PTPRN2: variants seen among roughly 807,000 people sequenced by gnomAD.
PTPRN2 encodes the protein receptor-type tyrosine-protein phosphatase N2.
In PTPRN2, 74 loss-of-function variants were observed where a neutral mutation model predicts 118.8. That is an observed-to-expected ratio of 0.62 (90% CI 0.52 to 0.76). The LOEUF (loss-of-function observed/expected upper bound fraction) is 0.76. Among genes scored for constraint, PTPRN2 ranks in the 30% least tolerant of loss-of-function variants. The pLI is 0.00. For synonymous variants in PTPRN2, 641 were observed against 608.0 expected, an observed-to-expected ratio of 1.05 and a Z score of -0.80; for missense variants, 1,481 against 1,394.4, an observed-to-expected ratio of 1.06 and a Z score of -0.99.
chr7:158,500,142 G>T (rs550365777), intron 1 of PTPRN2, among the ~76,000 whole-genome samples: 1 of 151,516 alleles, frequency 6.6e-6, no homozygotes, highest in Non-Finnish European at 1.5e-5. Flanking sequence ...AACACCACTC[G>T]CATTGTGGGT....
At chr7:157,825,243 C>G (rs1404956253) in intron 12 of PTPRN2, among the ~76,000 whole-genome samples, 2 of 152,196 alleles carry the variant, frequency 1.3e-5, no homozygotes, top group East Asian at 3.9e-4. Context: ...GACGCGCGCC[C>G]TGCTCCTCTT....
chr7:157,783,788 T>C lies in PTPRN2; in HGVS notation c.1789-100851A>G, dbSNP rs142874247. Among the ~76,000 whole-genome samples, 1,120 of 151,486 alleles carry C rather than the reference T, an allele frequency of 7.4e-3. 14 individuals carry two copies. Among genetic ancestry groups the C allele is most frequent in the African/African-American group, 0.026 (1,064 of 40,966 alleles). ...CCATGTGGATTCGTATGACCCTACT[T>C]TTGAGTGATTTCCTCCGGAGGCTGT... On this transcript the variant is annotated intron_variant, in intron 12 of 22. Transcript: ENST00000389418.
intron 2 of PTPRN2, among the ~76,000 whole-genome samples, chr7:158,397,210 C>T (rs574668561): frequency 6.6e-6 from 1 of 152,350 alleles, no homozygotes; most frequent in African/African-American, 2.4e-5. Flanking sequence ...TTCAGAGAGG[C>T]TCACTTCCTG....
intron 12 of PTPRN2, among the ~76,000 whole-genome samples, chr7:157,879,941 C>G (rs766222811): frequency 6.7e-6 from 1 of 149,998 alleles, no homozygotes; most frequent in Non-Finnish European, 1.5e-5. Context: ...GCATATTTTT[C>G]TCTTTCCATT....
At chr7:157,875,984 G>A (rs994321147) in intron 12 of PTPRN2, among the ~76,000 whole-genome samples, 1 of 152,222 alleles carries the variant, frequency 6.6e-6, no homozygotes. Context: ...CAGGCACGGG[G>A]CTGCAGAGGG....
chr7:158,075,368 C>T lies in PTPRN2; in HGVS notation c.1723+5930G>A, dbSNP rs375022916. ...CCTCGCCATAGTCCTTACCAATGTT[C>T]CTGTCTGCTGGTCTCTCCGGCAGCC... On this transcript the variant is annotated intron_variant, in intron 11 of 22. Coordinates refer to ENST00000389418, the MANE Select transcript of PTPRN2 (RefSeq NM_002847.5). Among the ~76,000 whole-genome samples the T allele has an allele frequency of 1.6e-4, 25 of 152,310 alleles. 1 individual carries two copies. In the East Asian group the frequency reaches 4.8e-3, roughly 29 times the overall value.
chr7:158,527,201 C>T (rs897878490), intron 1 of PTPRN2, among the ~76,000 whole-genome samples: 2 of 151,514 alleles, frequency 1.3e-5, no homozygotes, highest in Non-Finnish European at 2.9e-5. Context: ...CACCGTGGGC[C>T]TGGCCCTCAC....
Position 157,974,655 on chromosome 7 carries a change from G to A in PTPRN2, c.1724-75918C>T, listed in dbSNP as rs1391569140. Among the ~76,000 whole-genome samples, 1 of 151,092 alleles carries A rather than the reference G, an allele frequency of 6.6e-6. No homozygotes were observed. Among genetic ancestry groups the A allele is most frequent in the Non-Finnish European group, 1.5e-5 (1 of 67,748 alleles). ...CCTGGGCAGGGGCGGGCAGGGCTCT[G>A]TGGTAAGACACAGAGGGCAGGGGCT... On this transcript the variant is annotated intron_variant, in intron 11 of 22. Coordinates refer to ENST00000389418, the MANE Select transcript of PTPRN2 (RefSeq NM_002847.5). This position sits in a 1 kb window ranked among gnomAD's most constrained non-coding sequence, Gnocchi z 4.0.
rs938507962 is a variant in PTPRN2 at position 158,525,463 on chromosome 7, C to T, written c.113-35678G>A. Among the ~76,000 whole-genome samples, 2 of 152,140 alleles carry T rather than the reference C, an allele frequency of 1.3e-5. No homozygotes were observed. Among genetic ancestry groups the T allele is most frequent in the Admixed American group, 6.5e-5 (1 of 15,284 alleles). On this transcript the variant is annotated intron_variant, in intron 1 of 22. Coordinates refer to ENST00000389418, the MANE Select transcript of PTPRN2 (RefSeq NM_002847.5). This position sits in a 1 kb window ranked among gnomAD's most constrained non-coding sequence, Gnocchi z 4.1. The stretch of plus-strand genomic sequence containing the variant: ...ACGGAAAGTGGGACCAAGGCTGAGC[C>T]GCTCCGCACCCCTCGCTCTACAGCT...
At chr7:158,026,935 G>A (rs1807319143) in intron 11 of PTPRN2, among the ~76,000 whole-genome samples, 2 of 152,270 alleles carry the variant, frequency 1.3e-5, no homozygotes, top group Admixed American at 1.3e-4. Context: ...AGTTGGCACT[G>A]CCCTAGGTAT....
chr7:157,577,998 C>T (rs551791589), intron 18 of PTPRN2, 23 bp downstream of exon 18: 1 of 1,592,154 alleles, frequency 6.3e-7, no homozygotes, highest in Admixed American at 1.7e-5. Context: ...GGGTCCTGCC[C>T]TGGGTGGCTC....
At chr7:157,599,326 AAAT>A in intron 16 of PTPRN2, among the ~76,000 whole-genome samples, 1 of 152,326 alleles carries the variant, frequency 6.6e-6, no homozygotes, top group East Asian at 1.9e-4. Flanking sequence ...TTTAAAATAA[AAAT>A]AAAGCCCATT....
intron 11 of PTPRN2, among the ~76,000 whole-genome samples, chr7:158,019,201 C>G (rs1401628592): frequency 6.6e-6 from 1 of 152,264 alleles, no homozygotes; most frequent in Non-Finnish European, 1.5e-5. Context: ...AAATGCCACT[C>G]AGACCACAGC....
intron 12 of PTPRN2, among the ~76,000 whole-genome samples, chr7:157,713,528 C>CGCA (rs1306558829): frequency 6.6e-6 from 1 of 152,126 alleles, no homozygotes; most frequent in African/African-American, 2.4e-5. Flanking sequence ...TGTCAACAGC[C>CGCA]GTTCCTCCAT....
intron 9 of PTPRN2, among the ~76,000 whole-genome samples, chr7:158,131,587 C>G (rs560213059): frequency 6.6e-6 from 1 of 151,784 alleles, no homozygotes; most frequent in African/African-American, 2.4e-5. Flanking sequence ...CACACTCATA[C>G]ACACACACGA....
At chr7:157,684,578 G>T (rs1423662616) in intron 12 of PTPRN2, among the ~76,000 whole-genome samples, 2 of 83,824 alleles carry the variant, frequency 2.4e-5, no homozygotes, top group Non-Finnish European at 2.6e-5. Flanking sequence ...CCCCCTCCCC[G>T]GTCTCCTCCC....
chr7:158,396,782 CG>C lies in PTPRN2; in HGVS notation c.164-79851del, dbSNP rs1413656885. 2.0e-5 allele frequency among the ~76,000 whole-genome samples: 3 copies of C among 152,352 alleles called. No homozygotes were observed. The East Asian group carries it at 5.8e-4, about 29-fold the overall frequency. ...TGCACACACCAGCGGTGACCCGCCT[CG>C]GGGTCTGTCCTGTTTTGCCACAACA... On this transcript the variant is annotated intron_variant, in intron 2 of 22. Coordinates refer to ENST00000389418, the MANE Select transcript of PTPRN2 (RefSeq NM_002847.5).
chr7:158,138,598 G>C, intron 6 of PTPRN2, 83 bp from the exon 7 acceptor site: 1 of 1,310,818 alleles, frequency 7.6e-7, no homozygotes, highest in Non-Finnish European at 1.1e-6. Flanking sequence ...GGGTGTGGTG[G>C]GCGTCTGCGG....
At chr7:158,486,479 A>C (rs920254980) in intron 2 of PTPRN2, among the ~76,000 whole-genome samples, 1 of 152,218 alleles carries the variant, frequency 6.6e-6, no homozygotes, top group African/African-American at 2.4e-5. Flanking sequence ...CATATTTAGG[A>C]TGCCCATGTA....
Sources: allele counts gnomAD v4.1 joint callset (sites outside exome capture counted in the v4.1 genomes callset), GRCh38; gene constraint gnomAD v4.1.1; non-coding constraint Gnocchi (gnomAD v3.1); transcripts MANE v1.5; gene names NCBI Gene and HGNC (gene_info 2026-07-23, HGNC 2026-07-21).